Variants in ATF6 observed in about 807,000 individuals in gnomAD.
ATF6 encodes activating transcription factor 6.
A neutral mutation model predicts 83.6 loss-of-function variants in ATF6; 53 were observed. The ratio of observed to expected loss-of-function variants is 0.63; its 90% CI spans 0.51 to 0.80. The LOEUF (loss-of-function observed/expected upper bound fraction) is 0.80. Ranked by LOEUF, ATF6 falls within the 30% of genes least tolerant of loss-of-function variation. The probability of loss-of-function intolerance (pLI) is 0.00; values close to 1 mark genes in which losing one functional copy is unlikely to be tolerated. For missense variants in ATF6, 744 were observed against 797.9 expected (o/e 0.93, Z 0.81); for synonymous variants, 288 against 285.8 (o/e 1.01, Z -0.08).
At chr1:161,780,639 C>G (rs1684612996) in intron 2 of ATF6, among the ~76,000 whole-genome samples, 1 of 152,130 alleles carries the variant, frequency 6.6e-6, no homozygotes, top group Non-Finnish European at 1.5e-5. Flanking sequence ...TCCCAAAGTG[C>G]TGGGATTACA....
intron 15 of ATF6, among the ~76,000 whole-genome samples, chr1:161,936,634 C>T (rs945722942): frequency 1.3e-5 from 2 of 152,110 alleles, no homozygotes; most frequent in African/African-American, 4.8e-5. Flanking sequence ...TGTTTTGGGA[C>T]CCTAACTATG....
Position 161,961,674 on chromosome 1 carries a change from G to C in ATF6, c.*3020G>C, listed in dbSNP as rs1689103398. The C allele has an allele frequency of 3.3e-5, 5 of 151,562 alleles. No homozygotes were observed. Among genetic ancestry groups the C allele is most frequent in the Admixed American group, 2.6e-4 (4 of 15,192 alleles). 9.4% of individuals were successfully genotyped at this position (151,562 alleles called of 1,614,324 possible). On this transcript the variant is annotated 3_prime_UTR_variant, in exon 16 of 16. Coordinates refer to ENST00000367942, the MANE Select transcript of ATF6 (RefSeq NM_007348.4). The stretch of plus-strand genomic sequence containing the variant: ...TTTATTAAATTTTAAACAGGATTGT[G>C]CAAGCTTATGAGACAATTAGATAAA...
chr1:161,884,365 G>A (rs573037907), intron 14 of ATF6, among the ~76,000 whole-genome samples: 1 of 152,090 alleles, frequency 6.6e-6, no homozygotes, highest in South Asian at 2.1e-4. Flanking sequence ...TAAATGAATA[G>A]CGTTTGTTGA....
chr1:161,898,598 A>G (rs930624638), intron 14 of ATF6, among the ~76,000 whole-genome samples: 1 of 151,366 alleles, frequency 6.6e-6, no homozygotes, highest in Non-Finnish European at 1.5e-5. Context: ...CCCAGGCTGG[A>G]GTGCAGTGGT....
rs759769528 is a variant in ATF6 at position 161,773,140 on chromosome 1, A to ATTTTTTTTTTTTTT, written c.83-5091_83-5090insTTTTTTTTTTTTTT. Among the ~76,000 whole-genome samples the ATTTTTTTTTTTTTT allele has an allele frequency of 3.5e-3, 458 of 129,970 alleles. 7 individuals carry two copies. The highest frequency in any genetic ancestry group is 9.6e-3 in the African/African-American group (332 of 34,612). 85.3% of individuals were successfully genotyped at this position (129,970 alleles called of 152,430 possible). A position where few individuals can be genotyped will look rare whatever the true frequency, so the allele number is the denominator to read the frequency against. On this transcript the variant is annotated intron_variant, in intron 1 of 15. Coordinates refer to ENST00000367942, the MANE Select transcript of ATF6 (RefSeq NM_007348.4). ...GCCACCATGCCCGGCTACTTTTTGTATTTTTTTTTTTTTGAGACGGAGTCT... is the reference window on the plus strand; with the variant it reads ...GCCACCATGCCCGGCTACTTTTTGTATTTTTTTTTTTTTTTTTTTTTTTTTTTGAGACGGAGTCT...
chr1:161,793,057 G>A (rs1464876266), intron 6 of ATF6, among the ~76,000 whole-genome samples: 2 of 152,152 alleles, frequency 1.3e-5, no homozygotes, highest in African/African-American at 2.4e-5. Context: ...GATTTAGTTT[G>A]TTGGCACCAG....
intron 15 of ATF6, among the ~76,000 whole-genome samples, chr1:161,948,422 A>G (rs1407396934): frequency 6.6e-6 from 1 of 152,242 alleles, no homozygotes; most frequent in East Asian, 1.9e-4. Flanking sequence ...TCAGTCATTT[A>G]TAAGAATTGT....
At chr1:161,899,941 A>G (rs1687748633) in intron 14 of ATF6, among the ~76,000 whole-genome samples, 1 of 152,170 alleles carries the variant, frequency 6.6e-6, no homozygotes, top group Non-Finnish European at 1.5e-5. Flanking sequence ...GAGAAAAAAA[A>G]TCAGTTCCCA....
rs771582246 is a variant in ATF6 at position 161,956,286 on chromosome 1, G to A, written c.1805-2160G>A. On this transcript the variant is annotated intron_variant, in intron 15 of 15. Transcript: ENST00000367942. ...TTATTTGGTCTTCCACAGTGCATGC[G>A]CATACACACACACACACGCACACAC... Among the ~76,000 whole-genome samples the A allele has an allele frequency of 1.9e-4, 29 of 152,032 alleles. 1 individual carries two copies. Among genetic ancestry groups the A allele is most frequent in the Admixed American group, 3.9e-4 (6 of 15,262 alleles).
At position 161,893,424 on chromosome 1, in the gene ATF6, C is replaced by G. The variant is rs182553467; in HGVS notation, c.1720-18872C>G. On this transcript the variant is annotated intron_variant, in intron 14 of 15. Transcript: ENST00000367942. ...CAGGTGATCCGCCAGCCTCAGCCTC[C>G]TAAAGTGCTGGGATTACAGGCGTGA... Among the ~76,000 whole-genome samples, 747 of 152,326 alleles carry G rather than the reference C, an allele frequency of 4.9e-3. 3 individuals are homozygous for G. The highest frequency in any genetic ancestry group is 8.7e-3 in the Non-Finnish European group (590 of 68,024).
chr1:161,872,717 T>C (rs1026763016), intron 14 of ATF6, among the ~76,000 whole-genome samples: 2 of 151,566 alleles, frequency 1.3e-5, no homozygotes, highest in African/African-American at 4.8e-5. Context: ...ATTAAAATCA[T>C]TGGTAACTTG....
At chr1:161,912,838 C>T (rs527373306) in intron 15 of ATF6, among the ~76,000 whole-genome samples, 1 of 152,132 alleles carries the variant, frequency 6.6e-6, no homozygotes, top group East Asian at 1.9e-4. Context: ...GATAGTATTA[C>T]TATTGCATTT....
chr1:161,947,922 T>G (rs1410464615), intron 15 of ATF6, among the ~76,000 whole-genome samples: 1 of 144,486 alleles, frequency 6.9e-6, no homozygotes, highest in Non-Finnish European at 1.5e-5. Context: ...CCTCCCAAGT[T>G]CAAGTGATTC....
chr1:161,860,056 T>C lies in ATF6; in HGVS notation c.1534-151T>C, dbSNP rs939409551. On this transcript the variant is annotated intron_variant, in intron 12 of 15. Transcript: ENST00000367942. ...CTAGAATGGACCTAAAGAGTTCTAA[T>C]ATCTGTCAGTGTTTAATTATTTGAA... 9.1e-6 allele frequency: 4 copies of C among 440,072 alleles called. No homozygotes were observed. In the East Asian group the frequency reaches 1.4e-4, roughly 16 times the overall value. 27.3% of individuals were successfully genotyped at this position (440,072 alleles called of 1,614,324 possible). A position where few individuals can be genotyped will look rare whatever the true frequency, so the allele number is the denominator to read the frequency against.
intron 1 of ATF6, among the ~76,000 whole-genome samples, chr1:161,770,337 A>G (rs1024112942): frequency 4.6e-5 from 7 of 152,334 alleles, no homozygotes. Flanking sequence ...TCTATAGCCT[A>G]TTAGTCTGCC....
At chr1:161,876,869 C>A (rs1687226397) in intron 14 of ATF6, among the ~76,000 whole-genome samples, 2 of 151,808 alleles carry the variant, frequency 1.3e-5, no homozygotes, top group South Asian at 4.2e-4. Flanking sequence ...AATCTCCTGT[C>A]TTTTAAGCCA....
At chr1:161,913,342 A>C (rs984869395) in intron 15 of ATF6, among the ~76,000 whole-genome samples, 1 of 152,196 alleles carries the variant, frequency 6.6e-6, no homozygotes, top group Non-Finnish European at 1.5e-5. Context: ...TTCAAATACA[A>C]TTATAAAACA....
chr1:161,906,933 A>G (rs1424227534), intron 14 of ATF6, among the ~76,000 whole-genome samples: 1 of 152,190 alleles, frequency 6.6e-6, no homozygotes, highest in African/African-American at 2.4e-5. Context: ...TGTATCGTAG[A>G]CATTTTAATA....
At chr1:161,792,509 G>C (rs1684907659) in intron 6 of ATF6, among the ~76,000 whole-genome samples, 182 bp downstream of exon 6, 1 of 152,166 alleles carries the variant, frequency 6.6e-6, no homozygotes, top group African/African-American at 2.4e-5. Context: ...AAGGGATATA[G>C]CTCTCCAGAC....
Sources: allele counts gnomAD v4.1 joint callset (sites outside exome capture counted in the v4.1 genomes callset), GRCh38; gene constraint gnomAD v4.1.1; transcripts MANE v1.5; gene names NCBI Gene and HGNC (gene_info 2026-07-23, HGNC 2026-07-21).